The following MPP7 variants were observed in gnomAD, a reference collection of about 807,000 sequenced individuals.
MPP7 encodes the protein MAGUK p55 scaffold protein 7.
A neutral mutation model predicts 76.5 loss-of-function variants in MPP7; 60 were observed. That is an observed-to-expected ratio of 0.78 (90% confidence interval 0.64 to 0.97). MPP7 has a LOEUF of 0.97. Among genes scored for constraint, MPP7 ranks in the 50% least tolerant of loss-of-function variants. MPP7 has a pLI of 0.00. For missense variants in MPP7, 641 were observed against 694.0 expected, an observed-to-expected ratio of 0.92 and a Z score of 0.86; for synonymous variants, 237 against 244.5, an observed-to-expected ratio of 0.97 and a Z score of 0.29.
intron 3 of MPP7, among the ~76,000 whole-genome samples, chr10:28,151,376 T>C (rs1835877965): frequency 6.6e-6 from 1 of 152,200 alleles, no homozygotes; most frequent in African/African-American, 2.4e-5. Flanking sequence ...TGAGAAACTA[T>C]GAACATTTAA....
intron 1 of MPP7, among the ~76,000 whole-genome samples, chr10:28,266,053 G>A (rs1026741667): frequency 3.9e-5 from 6 of 152,010 alleles, no homozygotes; most frequent in Non-Finnish European, 7.4e-5. Context: ...TCCGCCTCCC[G>A]AGTTCAAGCG....
At chr10:28,154,250 C>T (rs1835976550) in intron 3 of MPP7, among the ~76,000 whole-genome samples, 1 of 152,236 alleles carries the variant, frequency 6.6e-6, no homozygotes, top group Non-Finnish European at 1.5e-5. Flanking sequence ...TTGTCATCTC[C>T]CTAGTAGTTT....
chr10:28,241,633 A>G (rs2132770331), intron 1 of MPP7, among the ~76,000 whole-genome samples: 1 of 146,604 alleles, frequency 6.8e-6, no homozygotes, highest in East Asian at 1.9e-4. Flanking sequence ...ACACAAAAAT[A>G]CCAGCTGTAA....
chr10:28,138,104 T>C (rs891948954), intron 5 of MPP7, among the ~76,000 whole-genome samples: 28 of 152,226 alleles, frequency 1.8e-4, no homozygotes, highest in African/African-American at 6.5e-4. Flanking sequence ...AATCTTCTTA[T>C]TTTATTGCCT....
chr10:28,217,807 T>C (rs777771328), intron 2 of MPP7, among the ~76,000 whole-genome samples: 2 of 152,196 alleles, frequency 1.3e-5, no homozygotes, highest in African/African-American at 4.8e-5. Flanking sequence ...AGGGTTGTCA[T>C]GTTTGTCAAA....
At chr10:28,312,132 G>A (rs1356918181) in intron 2 of MPP7, among the ~76,000 whole-genome samples, 1 of 152,162 alleles carries the variant, frequency 6.6e-6, no homozygotes, top group Non-Finnish European at 1.5e-5. Context: ...AGCTTCCACA[G>A]CGTGAAAGGG....
chr10:28,214,271 A>G (rs1483292314), intron 2 of MPP7, among the ~76,000 whole-genome samples: 2 of 152,210 alleles, frequency 1.3e-5, no homozygotes, highest in Non-Finnish European at 2.9e-5. Flanking sequence ...TTACAACTGT[A>G]TCCAGGAAAC....
intron 11 of MPP7, among the ~76,000 whole-genome samples, chr10:28,102,041 G>A (rs11006869): frequency 0.11 from 16,882 of 152,016 alleles, 1,620 homozygotes; most frequent in East Asian, 0.51. Flanking sequence ...TTTATATACA[G>A]GCAGCCCTTG....
intron 11 of MPP7, among the ~76,000 whole-genome samples, chr10:28,092,570 A>C (rs909244019): frequency 5.9e-5 from 7 of 117,668 alleles, no homozygotes; most frequent in Non-Finnish European, 9.9e-5. Flanking sequence ...GAACCCAGAA[A>C]AGGGACCTTT....
At chr10:28,101,654 A>G (rs2133515521) in intron 11 of MPP7, among the ~76,000 whole-genome samples, 1 of 152,278 alleles carries the variant, frequency 6.6e-6, no homozygotes, top group Non-Finnish European at 1.5e-5. Flanking sequence ...TATTTGTAAG[A>G]AAGTATGTTA....
rs1291256158 is a variant in MPP7, at chr10:28,312,772, G to A, written c.-132+17157C>T. Among the ~76,000 whole-genome samples, 8 of 152,258 alleles carry A rather than the reference G, an allele frequency of 5.3e-5. No homozygotes were observed. The South Asian group carries it at 6.2e-4, about 12-fold the overall frequency. On this transcript the variant is annotated intron_variant, in intron 2 of 11. Coordinates refer to the MPP7 transcript ENST00000441595. Reference sequence around the variant, plus strand: ...CATGTTGATCTCCCAAGGGAGCATCGCAAGCAAAGTGACTCTTGCACCACT... The same window carrying A: ...CATGTTGATCTCCCAAGGGAGCATCACAAGCAAAGTGACTCTTGCACCACT...
At chr10:28,224,698 T>C (rs1034445062) in intron 2 of MPP7, among the ~76,000 whole-genome samples, 4 of 152,270 alleles carry the variant, frequency 2.6e-5, no homozygotes, top group East Asian at 1.9e-4. Context: ...CATCCATTAC[T>C]ATTAGATAAC....
intron 5 of MPP7, among the ~76,000 whole-genome samples, chr10:28,143,088 G>A (rs764043508): frequency 2.1e-4 from 32 of 151,700 alleles, no homozygotes; most frequent in Non-Finnish European, 4.1e-4. Context: ...GCTACAAAAT[G>A]CCAAAAATAT....
intron 11 of MPP7, among the ~76,000 whole-genome samples, chr10:28,117,694 C>T (rs1834702752): frequency 1.3e-5 from 2 of 152,034 alleles, no homozygotes; most frequent in Admixed American, 1.3e-4. Flanking sequence ...TAACTTTTAA[C>T]TTTATGTGAG....
At chr10:28,304,603 C>A (rs1209764445), upstream of MPP7, among the ~76,000 whole-genome samples, 1 of 152,126 alleles carries the variant, frequency 6.6e-6, no homozygotes, top group African/African-American at 2.4e-5. Context: ...AACTGTAATT[C>A]TAAACTGTAG....
intron 3 of MPP7, among the ~76,000 whole-genome samples, chr10:28,197,314 C>G (rs1837618855): frequency 6.6e-6 from 1 of 151,862 alleles, no homozygotes; most frequent in South Asian, 2.1e-4. Flanking sequence ...TCCCAAGCAG[C>G]TGGGATTACA....
intron 3 of MPP7, among the ~76,000 whole-genome samples, chr10:28,150,958 A>T (rs940199184): frequency 6.6e-6 from 1 of 152,174 alleles, no homozygotes; most frequent in Non-Finnish European, 1.5e-5. Flanking sequence ...GTGTCCTTTC[A>T]TATTTTATAC....
intron 1 of MPP7, chr10:28,279,996 GCCTCCCTAATGTGCCCAAGCCA>G (rs1376192697): frequency 6.6e-6 from 1 of 151,990 alleles, no homozygotes; most frequent in Non-Finnish European, 1.5e-5. Flanking sequence ...GAAGGTCTCT[GCCTCCCTAATGTGCCCAAGCCA>G]CCACTGGTAA....
chr10:28,179,160 G>A (rs1490881739), intron 3 of MPP7, among the ~76,000 whole-genome samples: 1 of 152,124 alleles, frequency 6.6e-6, no homozygotes, highest in Non-Finnish European at 1.5e-5. Context: ...TCATCACTGT[G>A]AAATTTCTCC....
Sources: gnomAD v4.1 joint callset for allele counts (sites outside exome capture counted in the v4.1 genomes callset) on GRCh38, gnomAD v4.1.1 for gene constraint, MANE v1.5 for transcripts, NCBI Gene and HGNC (gene_info 2026-07-23, HGNC 2026-07-21) for gene names.